The following HDLBP variants were observed in gnomAD, a reference collection of about 807,000 sequenced individuals.
The protein encoded by HDLBP is high density lipoprotein binding protein, also known as vigilin.
HDLBP carries 30 observed loss-of-function variants against 137.3 expected under a neutral mutation model. The observed-to-expected ratio is 0.22, with a 90% CI of 0.16 to 0.30. The LOEUF (loss-of-function observed/expected upper bound fraction) is 0.30. Ranked by LOEUF, HDLBP falls within the 10% of genes least tolerant of loss-of-function variation. HDLBP has a pLI of 1.00. For synonymous variants in HDLBP, 606 were observed against 596.0 expected (o/e 1.02, Z -0.24); for missense variants, 1,119 against 1,667.3 (o/e 0.67, Z 5.73).
intron 1 of HDLBP, among the ~76,000 whole-genome samples, chr2:241,307,129 C>G (rs2075609593): frequency 6.6e-6 from 1 of 152,086 alleles, no homozygotes; most frequent in African/African-American, 2.4e-5. Context: ...CATCTCAACT[C>G]TTTGTTGAGT....
intron 1 of HDLBP, among the ~76,000 whole-genome samples, chr2:241,276,766 A>G (rs1285696191): frequency 1.3e-5 from 2 of 152,214 alleles, no homozygotes; most frequent in African/African-American, 4.8e-5. Context: ...CATGTATCTA[A>G]TAACATAGCT....
rs368625772 is a variant in HDLBP at position 241,270,459 on chromosome 2, T to C, written c.-102-1918A>G. Among the ~76,000 whole-genome samples, 66 of 152,292 alleles carry C rather than the reference T, an allele frequency of 4.3e-4. 4 individuals carry two copies. In the South Asian group the frequency reaches 0.013, roughly 31 times the overall value. On this transcript the variant is annotated intron_variant, in intron 1 of 27. Transcript: ENST00000310931. ...GGGTTCTGGTATCATCAAACAACATTTTGTTTTTCTTCTAAACAACTCAAA... is the reference window on the plus strand; with the variant it reads ...GGGTTCTGGTATCATCAAACAACATCTTGTTTTTCTTCTAAACAACTCAAA...
At position 241,227,791 on chromosome 2, in the gene HDLBP, C is replaced by G. The variant is rs1484115842; in HGVS notation, c.*1810G>C. 1 of 152,434 alleles carries G rather than the reference C, an allele frequency of 6.6e-6. No individual in the cohort carries two copies. The highest frequency in any genetic ancestry group is 1.5e-5 in the Non-Finnish European group (1 of 68,056). 9.4% of individuals were successfully genotyped at this position (152,434 alleles called of 1,614,324 possible). On this transcript the variant is annotated 3_prime_UTR_variant, in exon 28 of 28. Coordinates refer to ENST00000310931, the MANE Select transcript of HDLBP (RefSeq NM_005336.6). ...CAGCCAACAGGACAGAGTTCCAGAA[C>G]TCATGCAGATGGGGAAGAGGTGACA... is the stretch of plus-strand genomic sequence containing the variant.
At chr2:241,242,388 C>T (rs2071328779) in intron 17 of HDLBP, 72 bp downstream of exon 17, 2 of 1,311,328 alleles carry the variant, frequency 1.5e-6, no homozygotes, top group African/African-American at 1.4e-5. Context: ...GGGGTTTCCA[C>T]AGTGAGAAGC....
intron 4 of HDLBP, 109 bp downstream of exon 4, chr2:241,264,339 G>A (rs2149528670): frequency 1.4e-6 from 1 of 739,716 alleles, no homozygotes; most frequent in Non-Finnish European, 2.1e-6. Context: ...TCCAGCCTGG[G>A]CGACAGAGCG....
At chr2:241,261,885 A>G (rs80263908) in intron 5 of HDLBP, among the ~76,000 whole-genome samples, 1 of 152,068 alleles carries the variant, frequency 6.6e-6, no homozygotes. Flanking sequence ...TCCAATCACC[A>G]TGCTCCAGGG....
chr2:241,284,233 A>T (rs1022168471), intron 1 of HDLBP, among the ~76,000 whole-genome samples: 2 of 152,222 alleles, frequency 1.3e-5, no homozygotes, highest in South Asian at 2.1e-4. Context: ...GCTGCCATAG[A>T]TAGTTATTCC....
intron 16 of HDLBP, among the ~76,000 whole-genome samples, chr2:241,245,675 A>G (rs10933541): frequency 0.74 from 112,548 of 152,004 alleles, 42,753 homozygotes; most frequent in East Asian, 0.95. Flanking sequence ...GGTAGCATGC[A>G]CCTGTGGTCC....
At position 241,240,132 on chromosome 2, in the gene HDLBP, C is replaced by T; in HGVS notation, c.2170-10G>A. ...TGAAACTCTTGGTTTGCTGCAGAAA[C>T]CAATCCCACTGTGTTAGCCTGACAC... is the stretch of plus-strand genomic sequence containing the variant. On this transcript the variant is annotated splice_polypyrimidine_tract_variant and intron_variant, in intron 17 of 27. Transcript: ENST00000310931. The surrounding 1 kb of genome is among the most constrained non-coding windows in gnomAD (Gnocchi z 5.5). The T allele has an allele frequency of 6.2e-7, 1 of 1,613,858 alleles. No individual in the cohort carries two copies. Among genetic ancestry groups the T allele is most frequent in the Non-Finnish European group, 8.5e-7 (1 of 1,179,752 alleles).
At chr2:241,306,922 A>C (rs2075597667) in intron 1 of HDLBP, among the ~76,000 whole-genome samples, 1 of 150,486 alleles carries the variant, frequency 6.6e-6, no homozygotes. Flanking sequence ...CAAGTCCCCA[A>C]GTCATAAGGC....
At position 241,229,849 on chromosome 2, in the gene HDLBP, G is replaced by T; in HGVS notation, c.3704C>A (p.Ala1235Asp). The T allele has an allele frequency of 6.3e-7, 1 of 1,578,688 alleles. No individual in the cohort carries two copies. Among genetic ancestry groups the T allele is most frequent in the African/African-American group, 1.3e-5 (1 of 74,192 alleles). Reference protein sequence around the residue: ...GFVVRDAPWTASSSEKAPDMS... With the variant: ...GFVVRDAPWTDSSSEKAPDMS... ...GCATCTGACCTTCTCACTGCTGCTG[G>T]CGGTCCAGGGTGCGTCCCGCACCAC... The change falls in exon 27 of 28, where the codon GCC becomes GAC. Residue 1235 changes from alanine (A) to aspartate (D), a missense_variant. Coordinates refer to ENST00000310931, the MANE Select transcript of HDLBP (RefSeq NM_005336.6).
At chr2:241,246,933 T>G in intron 15 of HDLBP, 50 bp from the exon 16 acceptor site, 1 of 1,608,736 alleles carries the variant, frequency 6.2e-7, no homozygotes, top group Non-Finnish European at 8.5e-7. Flanking sequence ...TCTCCCAGAG[T>G]TGAGACACAG....
chr2:241,252,679 T>A (rs922275227), intron 11 of HDLBP, among the ~76,000 whole-genome samples: 3 of 152,210 alleles, frequency 2.0e-5, no homozygotes, highest in African/African-American at 7.2e-5. Context: ...GGGCATGCCT[T>A]CAACATGGCC....
intron 22 of HDLBP, 115 bp downstream of exon 22, chr2:241,235,375 C>T: frequency 1.3e-6 from 2 of 1,504,098 alleles, no homozygotes; most frequent in South Asian, 1.2e-5. Context: ...GAAGTCAGTG[C>T]CCAGTCCGAG....
chr2:241,242,229 C>T (rs535370860), intron 17 of HDLBP, among the ~76,000 whole-genome samples: 1 of 152,252 alleles, frequency 6.6e-6, no homozygotes, highest in East Asian at 1.9e-4. Flanking sequence ...AAAAGCACCC[C>T]AAAACTAATA....
At position 241,229,839 on chromosome 2, in the gene HDLBP, A is replaced by G; in HGVS notation, c.3714T>C (p.Ser1238=). Residue 1238 remains serine, a synonymous_variant, in exon 27 of 28, where the codon AGT becomes AGC. Transcript: ENST00000310931. ...GCAGAAGCCCGCATCTGACCTTCTC[A>G]CTGCTGCTGGCGGTCCAGGGTGCGT... The part of the protein sequence containing the change: ...VRDAPWTASS[S]EKAPDMSSSE... 1.3e-6 allele frequency: 2 copies of G among 1,561,022 alleles called. No individual in the cohort carries two copies. The highest frequency in any genetic ancestry group is 1.7e-6 in the Non-Finnish European group (2 of 1,157,256).
rs1409479210 is a variant in HDLBP, at chr2:241,241,304, AC to A, written c.2169+1155del. On this transcript the variant is annotated intron_variant, in intron 17 of 27. Transcript: ENST00000310931. Reference sequence around the variant, plus strand: ...AACAGTGGGCCGGGCGCAGTGGCTCACGCCTGTAATCCCAGCACTTTGGGAG... The same window carrying A: ...AACAGTGGGCCGGGCGCAGTGGCTCAGCCTGTAATCCCAGCACTTTGGGAG... Among the ~76,000 whole-genome samples the A allele has an allele frequency of 2.0e-5, 3 of 152,136 alleles. No homozygotes were observed. The East Asian group carries it at 5.8e-4, about 29-fold the overall frequency.
intron 1 of HDLBP, among the ~76,000 whole-genome samples, chr2:241,298,866 A>G (rs190067888): frequency 3.9e-5 from 6 of 152,224 alleles, no homozygotes; most frequent in Non-Finnish European, 7.4e-5. Context: ...GTAATCATTA[A>G]AAGTGTCAAG....
intron 1 of HDLBP, among the ~76,000 whole-genome samples, chr2:241,291,259 C>A (rs565264841): frequency 3.3e-5 from 5 of 152,240 alleles, no homozygotes; most frequent in African/African-American, 1.2e-4. Context: ...CACCATCTCA[C>A]GGCAAGAGAC....
Sources: gnomAD v4.1 joint callset for allele counts (sites outside exome capture counted in the v4.1 genomes callset) on GRCh38, gnomAD v4.1.1 for gene constraint, Gnocchi (gnomAD v3.1) non-coding constraint, MANE v1.5 for transcripts, NCBI Gene and HGNC (gene_info 2026-07-23, HGNC 2026-07-21) for gene names.